Variants in CCSER1 observed in about 807,000 individuals in gnomAD.
CCSER1 encodes the protein coiled-coil serine rich protein 1.
A neutral mutation model predicts 82.0 loss-of-function variants in CCSER1; 41 were observed. That is an observed-to-expected ratio of 0.50 (90% CI 0.39 to 0.65). The LOEUF is 0.65. Ranked by LOEUF, CCSER1 falls within the 30% of genes least tolerant of loss-of-function variation. The pLI, the probability that CCSER1 is intolerant of heterozygous loss-of-function variation, is 0.00. For synonymous variants in CCSER1, 414 were observed against 383.9 expected, an observed-to-expected ratio of 1.08 and a Z score of -0.92; for missense variants, 1,119 against 1,064.2, an observed-to-expected ratio of 1.05 and a Z score of -0.72.
At chr4:91,184,626 C>T (rs1033935071) in intron 10 of CCSER1, among the ~76,000 whole-genome samples, 1 of 152,182 alleles carries the variant, frequency 6.6e-6, no homozygotes, top group Admixed American at 6.5e-5. Flanking sequence ...CTTTACTTAG[C>T]AGCCATTGTT....
chr4:90,867,916 T>C (rs1222644381), intron 8 of CCSER1, among the ~76,000 whole-genome samples: 2 of 152,112 alleles, frequency 1.3e-5, no homozygotes, highest in African/African-American at 4.8e-5. Context: ...ATTGTGTATA[T>C]GCATAACATT....
intron 1 of CCSER1, among the ~76,000 whole-genome samples, chr4:90,281,527 CT>C (rs1728851372): frequency 6.6e-6 from 1 of 151,914 alleles, no homozygotes; most frequent in South Asian, 2.1e-4. Context: ...TTTATATATT[CT>C]GTAAAGAGTG....
intron 1 of CCSER1, among the ~76,000 whole-genome samples, chr4:90,200,610 G>T (rs1415768494): frequency 1.3e-5 from 2 of 151,964 alleles, no homozygotes; most frequent in African/African-American, 4.8e-5. Context: ...CGGCTGTTAG[G>T]ATTTTCAGTA....
At chr4:91,068,589 A>G (rs746668659) in intron 9 of CCSER1, among the ~76,000 whole-genome samples, 8 of 152,226 alleles carry the variant, frequency 5.3e-5, no homozygotes, top group South Asian at 2.1e-4. Flanking sequence ...TGAGTACTAC[A>G]TTTAAAAGTG....
intron 4 of CCSER1, among the ~76,000 whole-genome samples, chr4:90,460,062 C>G (rs776981219): frequency 6.8e-6 from 1 of 146,326 alleles, no homozygotes; most frequent in Admixed American, 6.6e-5. Context: ...CGCGGTGGCT[C>G]ACGCCTGTAA....
At chr4:91,550,128 G>T (rs1762091648) in intron 10 of CCSER1, among the ~76,000 whole-genome samples, 1 of 152,076 alleles carries the variant, frequency 6.6e-6, no homozygotes, top group African/African-American at 2.4e-5. Context: ...TTAGGCTCTG[G>T]GAAAATAGTT....
chr4:90,969,065 A>G (rs1221677094), intron 9 of CCSER1, among the ~76,000 whole-genome samples: 3 of 151,942 alleles, frequency 2.0e-5, no homozygotes, highest in African/African-American at 7.3e-5. Flanking sequence ...AGCAGAAGAA[A>G]GCATCTGTGA....
intron 10 of CCSER1, among the ~76,000 whole-genome samples, chr4:91,357,423 T>G (rs528231708): frequency 6.6e-6 from 1 of 152,212 alleles, no homozygotes; most frequent in African/African-American, 2.4e-5. Flanking sequence ...GCATTTTTAC[T>G]TTAATGTCCA....
chr4:91,517,458 T>C (rs1760192631), intron 10 of CCSER1, among the ~76,000 whole-genome samples: 1 of 152,208 alleles, frequency 6.6e-6, no homozygotes, highest in African/African-American at 2.4e-5. Flanking sequence ...ATCATGTGTA[T>C]TTTGTCTTTA....
intron 6 of CCSER1, among the ~76,000 whole-genome samples, chr4:90,674,247 C>A (rs1365792063): frequency 2.0e-5 from 3 of 151,820 alleles, no homozygotes; most frequent in Admixed American, 6.6e-5. Flanking sequence ...TTTGTCCTTG[C>A]ACTACTTATG....
intron 9 of CCSER1, among the ~76,000 whole-genome samples, chr4:91,042,625 T>C (rs761873473): frequency 8.5e-5 from 13 of 152,216 alleles, no homozygotes; most frequent in Admixed American, 2.6e-4. Context: ...TTTTTTCTTC[T>C]GTGTTGCTAC....
At chr4:90,621,311 T>C (rs977317437) in intron 5 of CCSER1, among the ~76,000 whole-genome samples, 5 of 152,180 alleles carry the variant, frequency 3.3e-5, no homozygotes, top group Non-Finnish European at 1.5e-5. Context: ...ATCTGAGTCA[T>C]AGGAGAACCA....
At chr4:90,734,347 G>A (rs763111559) in intron 7 of CCSER1, among the ~76,000 whole-genome samples, 9 of 151,906 alleles carry the variant, frequency 5.9e-5, no homozygotes, top group African/African-American at 1.2e-4. Context: ...GGATGGTCTC[G>A]ATCTCCTGAC....
At chr4:91,358,622 C>T (rs922014718) in intron 10 of CCSER1, among the ~76,000 whole-genome samples, 14 of 152,100 alleles carry the variant, frequency 9.2e-5, no homozygotes, top group African/African-American at 2.9e-4. Context: ...AATGCAGGCA[C>T]GCTGTGGGTG....
intron 3 of CCSER1, among the ~76,000 whole-genome samples, chr4:90,320,149 G>T (rs1403120366): frequency 6.6e-6 from 1 of 152,180 alleles, no homozygotes; most frequent in Non-Finnish European, 1.5e-5. Flanking sequence ...AATGGAAGGA[G>T]CTGTGTATAT....
At chr4:91,282,694 C>G (rs1054971687) in intron 10 of CCSER1, among the ~76,000 whole-genome samples, 2 of 152,092 alleles carry the variant, frequency 1.3e-5, no homozygotes, top group African/African-American at 4.8e-5. Flanking sequence ...TAAGCTCCCT[C>G]TTTAGTATGT....
At chr4:91,311,530 A>G (rs1745477634) in intron 10 of CCSER1, among the ~76,000 whole-genome samples, 1 of 151,944 alleles carries the variant, frequency 6.6e-6, no homozygotes, top group African/African-American at 2.4e-5. Flanking sequence ...GAACATGCCT[A>G]TTATCTTTGT....
At chr4:91,075,178 A>AT (rs34000064) in intron 9 of CCSER1, among the ~76,000 whole-genome samples, 50,153 of 148,700 alleles carry the variant, frequency 0.34, 9,567 homozygotes, top group East Asian at 0.5. Context: ...AGGAAGTTCT[A>AT]TTTTTTTTTT....
At chr4:90,817,265 A>G (rs1431142888) in intron 8 of CCSER1, among the ~76,000 whole-genome samples, 1 of 152,076 alleles carries the variant, frequency 6.6e-6, no homozygotes, top group Admixed American at 6.5e-5. Context: ...ATAGCAGAGT[A>G]TTTATTACTT....
Sources: gnomAD v4.1 joint callset for allele counts (sites outside exome capture counted in the v4.1 genomes callset) on GRCh38, gnomAD v4.1.1 for gene constraint, MANE v1.5 for transcripts, NCBI Gene and HGNC (gene_info 2026-07-23, HGNC 2026-07-21) for gene names.